The following ACACA variants were observed in gnomAD, a reference collection of about 807,000 sequenced individuals.
The protein encoded by ACACA is acetyl-CoA carboxylase alpha.
Under a neutral mutation model 296.1 loss-of-function variants are expected in ACACA, and 103 were observed. The observed-to-expected ratio is 0.35, with a 90% CI of 0.30 to 0.41. ACACA has a LOEUF of 0.41. ACACA is among the 10% of genes least tolerant of loss of function. The pLI, the probability that ACACA is intolerant of heterozygous loss-of-function variation, is 1.00. For synonymous variants in ACACA, 953 were observed against 1,038.6 expected, an observed-to-expected ratio of 0.92 and a Z score of 1.58; for missense variants, 1,554 against 2,989.7, an observed-to-expected ratio of 0.52 and a Z score of 11.20.
chr17:37,225,431 T>C, intron 26 of ACACA: 4 of 277,812 alleles, frequency 1.4e-5, no homozygotes, highest in Non-Finnish European at 2.8e-5. Context: ...AGGGACTGCA[T>C]GACTAGCTGT....
chr17:37,305,019 G>A (rs770258690), intron 3 of ACACA, among the ~76,000 whole-genome samples: 9 of 152,058 alleles, frequency 5.9e-5, no homozygotes, highest in Non-Finnish European at 1.2e-4. Flanking sequence ...ATTTACAGTC[G>A]CTACTTTGAA....
At chr17:37,196,369 A>G (rs1428551833) in intron 35 of ACACA, among the ~76,000 whole-genome samples, 1 of 152,096 alleles carries the variant, frequency 6.6e-6, no homozygotes, top group Non-Finnish European at 1.5e-5. Flanking sequence ...ATAATCCAAA[A>G]CATTTCATTT....
chr17:37,085,340 C>T lies in ACACA; in HGVS notation c.*1976G>A, dbSNP rs1474962179. 1 of 335,264 alleles carries T rather than the reference C, an allele frequency of 3.0e-6. No homozygotes were observed. The highest frequency in any genetic ancestry group is 5.4e-6 in the Non-Finnish European group (1 of 186,444). 20.8% of individuals were successfully genotyped at this position (335,264 alleles called of 1,614,324 possible). On this transcript the variant is annotated 3_prime_UTR_variant, in exon 56 of 56. Transcript: ENST00000616317. ...TACAGGGTTCTAGAGAGGAAACATA[C>T]TCGTTTGTGTCATAATTTGGTGGGG...
chr17:37,361,387 A>G (rs2049399637), intron 1 of ACACA, among the ~76,000 whole-genome samples: 1 of 152,112 alleles, frequency 6.6e-6, no homozygotes, highest in South Asian at 2.1e-4. Flanking sequence ...AGCTCTGCAA[A>G]ACCAGGGATT....
intron 3 of ACACA, among the ~76,000 whole-genome samples, chr17:37,295,597 T>G (rs2083288531): frequency 6.6e-6 from 1 of 151,974 alleles, no homozygotes; most frequent in Non-Finnish European, 1.5e-5. Context: ...GAGACCAGCC[T>G]AGCCAACATG....
chr17:37,131,968 C>T (rs115554877), intron 45 of ACACA, among the ~76,000 whole-genome samples: 3,725 of 152,280 alleles, frequency 0.024, 134 homozygotes, highest in African/African-American at 0.078. Context: ...CCTCTCAGTC[C>T]GTCTTTAATC....
At chr17:37,200,261 A>G in intron 34 of ACACA, 78 bp from the exon 35 acceptor site, 1 of 1,408,932 alleles carries the variant, frequency 7.1e-7, no homozygotes, top group Admixed American at 1.7e-5. Flanking sequence ...GAAATTGAGT[A>G]AAAGATGATG....
intron 3 of ACACA, among the ~76,000 whole-genome samples, chr17:37,292,193 T>C (rs1346245557): frequency 6.6e-6 from 1 of 152,186 alleles, no homozygotes; most frequent in Non-Finnish European, 1.5e-5. Flanking sequence ...TAAATTTGTA[T>C]GATTTTGTTT....
intron 16 of ACACA, 129 bp from the exon 17 acceptor site, chr17:37,248,803 G>T (rs908889085): frequency 1.5e-6 from 1 of 655,780 alleles, no homozygotes; most frequent in Non-Finnish European, 2.8e-6. Flanking sequence ...CTAAATGATC[G>T]TTTGTAAGGA....
intron 1 of ACACA, among the ~76,000 whole-genome samples, chr17:37,349,453 T>G (rs1195112095): frequency 2.0e-5 from 3 of 148,076 alleles, no homozygotes; most frequent in Non-Finnish European, 4.5e-5. Context: ...ATAAGATATA[T>G]CTTACATATA....
chr17:37,191,210 CA>C lies in ACACA; in HGVS notation c.4481del (p.Leu1494TrpfsTer40). The C allele has an allele frequency of 6.2e-7, 1 of 1,614,090 alleles. No homozygotes were observed. The highest frequency in any genetic ancestry group is 8.5e-7 in the Non-Finnish European group (1 of 1,179,998). ...ERLLLEAMDE[L>X]EVAFNNTNVR... ...CATTTGTATTGTTAAAAGCAACTTC[CA>C]ACTCATCCATGGCTTCCAGGAGTAG... is the stretch of plus-strand genomic sequence containing the variant. On this transcript the variant is annotated frameshift_variant, in exon 38 of 56. Transcript: ENST00000616317. LOFTEE classifies it high-confidence loss of function.
At position 37,192,266 on chromosome 17, in the gene ACACA, G is replaced by A. The variant is rs148729289; in HGVS notation, c.4240C>T (p.Leu1414=). 1.9e-6 allele frequency: 3 copies of A among 1,614,072 alleles called. No individual in the cohort carries two copies. Among genetic ancestry groups the A allele is most frequent in the Non-Finnish European group, 2.5e-6 (3 of 1,180,018 alleles). The change falls in exon 37 of 56, where the codon CTG becomes TTG. Residue 1414 remains leucine, a synonymous_variant. Transcript: ENST00000616317. ...CGGTTCAGCTCTAACTGGAAAGCCA[G>A]AGCAGGCTCCAGATGACGATAGATA... ...DRIYRHLEPA[L]AFQLELNRMR... is the part of the protein sequence containing the mutation.
At chr17:37,323,812 T>C (rs988506966) in intron 3 of ACACA, among the ~76,000 whole-genome samples, 3 of 152,186 alleles carry the variant, frequency 2.0e-5, no homozygotes, top group Non-Finnish European at 2.9e-5. Flanking sequence ...ATTTGGTTGA[T>C]AGCATGCGGT....
At chr17:37,123,399 A>G (rs1470807327) in intron 48 of ACACA, among the ~76,000 whole-genome samples, 1 of 152,192 alleles carries the variant, frequency 6.6e-6, no homozygotes, top group Non-Finnish European at 1.5e-5. Flanking sequence ...CTCCACTATG[A>G]CTTCCCAATT....
chr17:37,359,369 C>G (rs1319281347), intron 1 of ACACA, among the ~76,000 whole-genome samples: 1 of 151,894 alleles, frequency 6.6e-6, no homozygotes, highest in Non-Finnish European at 1.5e-5. Flanking sequence ...GCCGATGGTC[C>G]GAGCGCGGAT....
chr17:37,303,862 A>T (rs2083747341), intron 3 of ACACA, among the ~76,000 whole-genome samples: 1 of 152,242 alleles, frequency 6.6e-6, no homozygotes, highest in South Asian at 2.1e-4. Context: ...CGTCTCAAAA[A>T]AAAGAAAGTG....
intron 52 of ACACA, among the ~76,000 whole-genome samples, chr17:37,111,118 T>C (rs1006918911): frequency 2.0e-5 from 3 of 152,128 alleles, no homozygotes; most frequent in African/African-American, 7.2e-5. Flanking sequence ...GAACACCACC[T>C]GGGTAAAGAC....
intron 1 of ACACA, among the ~76,000 whole-genome samples, chr17:37,383,831 G>A (rs1441011200): frequency 6.6e-6 from 1 of 152,142 alleles, no homozygotes; most frequent in African/African-American, 2.4e-5. Context: ...GATTATAGGC[G>A]TGAGCCACCT....
rs541624372 is a variant in ACACA at position 37,167,404 on chromosome 17, C to T, written c.5080-5354G>A. ...TGCAATCTTGGCTTGCTGCAACCTC[C>T]GCCTCTCAGGTTCAAGTGATTATCC... On this transcript the variant is annotated intron_variant, in intron 41 of 55. Transcript: ENST00000616317. Among the ~76,000 whole-genome samples, 72 of 151,192 alleles carry T rather than the reference C, an allele frequency of 4.8e-4. 1 individual carries two copies. In the South Asian group the frequency reaches 0.013, roughly 28 times the overall value.
Sources: allele counts gnomAD v4.1 joint callset (sites outside exome capture counted in the v4.1 genomes callset), GRCh38; gene constraint gnomAD v4.1.1; transcripts MANE v1.5; gene names NCBI Gene and HGNC (gene_info 2026-07-23, HGNC 2026-07-21).